REPS2: variants seen among roughly 807,000 people sequenced by gnomAD.
REPS2 encodes the protein ralBP1-associated Eps domain-containing protein 2.
Under a neutral mutation model 53.6 loss-of-function variants are expected in REPS2, and 23 were observed. The observed-to-expected ratio is 0.43, with a 90% CI of 0.31 to 0.61. REPS2 has a LOEUF of 0.61. REPS2 is among the 20% of genes least tolerant of loss of function. The probability of loss-of-function intolerance (pLI) is 0.11; values close to 1 mark genes in which losing one functional copy is unlikely to be tolerated. For synonymous variants in REPS2, 238 were observed against 218.6 expected, an observed-to-expected ratio of 1.09 and a Z score of -0.78; for missense variants, 446 against 534.9, an observed-to-expected ratio of 0.83 and a Z score of 1.64.
the REPS2 span, among the ~76,000 whole-genome samples, chrX:17,168,571 C>T: frequency 9.0e-6 from 1 of 111,686 alleles, no homozygotes. Context: ...CTGCCTACAA[C>T]AGTGATCTCA....
At chrX:17,177,456 CAT>C in the REPS2 span, among the ~76,000 whole-genome samples, 36 of 111,773 alleles carry the variant, frequency 3.2e-4, 1 homozygote, top group Middle Eastern at 4.6e-3. Flanking sequence ...GTCTAGAAAA[CAT>C]AGAGGGGCTC....
intron 1 of REPS2, among the ~76,000 whole-genome samples, chrX:16,998,547 GCTT>G (rs1216589456): frequency 1.8e-5 from 2 of 111,857 alleles, no homozygotes; most frequent in Admixed American, 9.5e-5. Context: ...CACATAAAGA[GCTT>G]CTTCTTTGTT....
intron 1 of REPS2, among the ~76,000 whole-genome samples, chrX:16,997,681 C>T (rs905682770): frequency 2.7e-5 from 3 of 112,609 alleles, no homozygotes; most frequent in Non-Finnish European, 5.6e-5. Flanking sequence ...ATAATAAAAA[C>T]ATCTGTAGAA....
At chrX:16,985,730 A>G (rs940788191) in intron 1 of REPS2, among the ~76,000 whole-genome samples, 2 of 112,177 alleles carry the variant, frequency 1.8e-5, no homozygotes, top group Admixed American at 1.9e-4. Context: ...TCCAGTGTAG[A>G]TACCCAGATC....
chrX:17,021,523 A>G (rs1374016478), intron 2 of REPS2, among the ~76,000 whole-genome samples: 2 of 112,596 alleles, frequency 1.8e-5, no homozygotes, highest in Admixed American at 1.9e-4. Flanking sequence ...TGTTCTACCC[A>G]CTAAGTTTGC....
chrX:17,025,282 T>G, intron 4 of REPS2, 97 bp downstream of exon 4: 1 of 887,197 alleles, frequency 1.1e-6, no homozygotes, highest in Non-Finnish European at 1.5e-6. Context: ...ATTTCCTGAT[T>G]TAATTACCCC....
At position 16,956,284 on chromosome X, in the gene REPS2, G is replaced by GTT. The variant is rs869259012; in HGVS notation, c.273+9184_273+9185dup. ...TGCATGTAAGCAAAAAACCACAGCA[G>GTT]TTTTTTTTTTTTTTTTTTTTTTTTT... On this transcript the variant is annotated intron_variant, in intron 1 of 17. Coordinates refer to ENST00000357277, the MANE Select transcript of REPS2 (RefSeq NM_004726.3). Among the ~76,000 whole-genome samples the GTT allele has an allele frequency of 5.0e-3, 125 of 24,758 alleles. 7 individuals are homozygous for GTT. Among genetic ancestry groups the GTT allele is most frequent in the Non-Finnish European group, 6.7e-3 (108 of 16,153 alleles). The allele number at this position is 24,758 out of a possible 115,157, so 21.5% of individuals were successfully genotyped here. A position where few individuals can be genotyped will look rare whatever the true frequency, so the allele number is the denominator to read the frequency against.
intron 14 of REPS2, among the ~76,000 whole-genome samples, chrX:17,128,775 T>C (rs944902159): frequency 1.8e-5 from 2 of 112,840 alleles, no homozygotes; most frequent in African/African-American, 6.4e-5. Context: ...TGCCACATCA[T>C]GAGTGGCAGC....
intron 1 of REPS2, among the ~76,000 whole-genome samples, chrX:16,988,403 C>T (rs955883864): frequency 2.7e-5 from 3 of 112,342 alleles, no homozygotes; most frequent in African/African-American, 3.2e-5. Flanking sequence ...AGCAAGGTTT[C>T]AGGATATAAG....
intron 5 of REPS2, chrX:17,044,411 T>C (rs917975999): frequency 3.6e-5 from 4 of 112,337 alleles, no homozygotes; most frequent in African/African-American, 1.3e-4. Context: ...TACAGATCAC[T>C]TATAGCAAAC....
intron 2 of REPS2, among the ~76,000 whole-genome samples, chrX:17,019,585 A>C (rs1210119695): frequency 8.9e-6 from 1 of 111,910 alleles, no homozygotes; most frequent in Non-Finnish European, 1.9e-5. Flanking sequence ...GCACTTTAGG[A>C]GGCCAAGACG....
intron 17 of REPS2, among the ~76,000 whole-genome samples, chrX:17,140,579 A>G (rs2063428851): frequency 9.0e-6 from 1 of 110,535 alleles, no homozygotes; most frequent in Non-Finnish European, 1.9e-5. Context: ...CCTTGTGTCC[A>G]TCAGTTCATC....
intron 4 of REPS2, among the ~76,000 whole-genome samples, chrX:17,025,416 C>T (rs1316917717): frequency 8.9e-6 from 1 of 112,107 alleles, no homozygotes; most frequent in Non-Finnish European, 1.9e-5. Flanking sequence ...CGTCTTTAGA[C>T]TTGTAAACAG....
chrX:16,954,623 G>A lies in REPS2; in HGVS notation c.273+7489G>A, dbSNP rs140661299. 2.3e-4 allele frequency among the ~76,000 whole-genome samples: 25 copies of A among 110,478 alleles called. 1 individual carries two copies. The highest frequency in any genetic ancestry group is 8.2e-4 in the African/African-American group (25 of 30,363). ...ATGGAGATAGACGTGCTTGAGAACT[G>A]ATTTAGAATAGTTGGGAAACCTGTA... On this transcript the variant is annotated intron_variant, in intron 1 of 17. Coordinates refer to ENST00000357277, the MANE Select transcript of REPS2 (RefSeq NM_004726.3).
Position 17,025,069 on chromosome X carries a change from A to G in REPS2, c.557A>G (p.Gln186Arg). ...MDDEDKQQET[Q>R]SPTMSPLASP... ...TCTGGTTCTTTGAAGCAGGAAACAC[A>G]GTCTCCCACGATGTCACCCCTCGCC... The change falls in exon 4 of 18, where the codon CAG becomes CGG. Residue 186 changes from glutamine (Q) to arginine (R), a missense_variant. Coordinates refer to ENST00000357277, the MANE Select transcript of REPS2 (RefSeq NM_004726.3). 1 of 1,211,749 alleles carries G rather than the reference A, an allele frequency of 8.3e-7. No homozygotes were observed. Among genetic ancestry groups the G allele is most frequent in the Non-Finnish European group, 1.1e-6 (1 of 895,424 alleles).
Position 17,148,776 on chromosome X carries a change from G to A in REPS2, c.*1295G>A, listed in dbSNP as rs147554055. The A allele has an allele frequency of 2.4e-3, 598 of 251,236 alleles. 2 individuals are homozygous for A. Among genetic ancestry groups the A allele is most frequent in the African/African-American group, 0.015 (529 of 35,138 alleles). 20.7% of individuals were successfully genotyped at this position (251,236 alleles called of 1,213,427 possible). On this transcript the variant is annotated 3_prime_UTR_variant, in exon 18 of 18. Transcript: ENST00000357277. ...ACTGACCCTCACAGGGCATGCCAGCGTTAACACCACTTTGAGAGACCAATG... is the reference window on the plus strand; with the variant it reads ...ACTGACCCTCACAGGGCATGCCAGCATTAACACCACTTTGAGAGACCAATG...
intron 1 of REPS2, among the ~76,000 whole-genome samples, chrX:16,981,253 C>T (rs1569105660): frequency 1.8e-5 from 2 of 111,733 alleles, no homozygotes; most frequent in South Asian, 7.5e-4. Context: ...GGAATTGTAA[C>T]CCCATGCTTT....
intron 1 of REPS2, among the ~76,000 whole-genome samples, chrX:16,975,761 A>G (rs1297653146): frequency 8.9e-6 from 1 of 112,112 alleles, no homozygotes; most frequent in African/African-American, 3.2e-5. Context: ...ATGAGTGAAA[A>G]GCCTTTCACA....
chrX:17,020,934 C>T lies in REPS2; in HGVS notation c.398-1189C>T, dbSNP rs781383799. On this transcript the variant is annotated intron_variant, in intron 2 of 17. Transcript: ENST00000357277. The stretch of plus-strand genomic sequence containing the variant: ...GCGTAAGTGAGCCACTGCGCCCGGC[C>T]GCCTGCTGCTTTGAATCAAATGTGA... Among the ~76,000 whole-genome samples the T allele has an allele frequency of 6.3e-5, 7 of 111,964 alleles. No individual in the cohort carries two copies. The South Asian group carries it at 1.5e-3, about 24-fold the overall frequency.
Sources: gnomAD v4.1 joint callset for allele counts (sites outside exome capture counted in the v4.1 genomes callset) on GRCh38, gnomAD v4.1.1 for gene constraint, MANE v1.5 for transcripts, NCBI Gene and HGNC (gene_info 2026-07-23, HGNC 2026-07-21) for gene names.